Variants in ERVV-1 observed in about 807,000 individuals in gnomAD.
ERVV-1 encodes the protein endogenous retrovirus group V member 1, envelope.
For missense variants in ERVV-1, 150 were observed against 456.5 expected (o/e 0.33, Z 6.12); for synonymous variants, 59 against 170.2 (o/e 0.35, Z 5.09).
chr19:53,015,550 A>C lies in ERVV-1; in HGVS notation c.*26A>C. 2 of 618,944 alleles carry C rather than the reference A, an allele frequency of 3.2e-6. No homozygotes were observed. The highest frequency in any genetic ancestry group is 2.8e-5 in the Admixed American group (1 of 35,732). The allele number at this position is 618,944 out of a possible 1,614,324, so 38.3% of individuals were successfully genotyped here. On this transcript the variant is annotated 3_prime_UTR_variant, in exon 1 of 1. Coordinates refer to ENST00000602168, the MANE Select transcript of ERVV-1 (RefSeq NM_152473.3). ...TTCACTAATTAAATATGTCTCTTCC[A>C]GGATATGGCAATTTCACACAGAGCC...
In ERVV-1 at chr19:53,015,846, A is replaced by G. The variant is rs980543399; in HGVS notation, c.*322A>G. 1 of 236,942 alleles carries G rather than the reference A, an allele frequency of 4.2e-6. No homozygotes were observed. The highest frequency in any genetic ancestry group is 7.9e-6 in the Non-Finnish European group (1 of 126,482). The allele number at this position is 236,942 out of a possible 1,614,324, so 14.7% of individuals were successfully genotyped here. A position where few individuals can be genotyped will look rare whatever the true frequency, so the allele number is the denominator to read the frequency against. On this transcript the variant is annotated 3_prime_UTR_variant, in exon 1 of 1. Coordinates refer to ENST00000602168, the MANE Select transcript of ERVV-1 (RefSeq NM_152473.3). ...TGTTAGGGTAGGCAGGTAGCCAGAC[A>G]AGAGCAGGCAAGGAAGCCCCTGGGA...
Position 53,014,175 on chromosome 19 carries a change from G to T in ERVV-1, c.85G>T (p.Val29Phe), listed in dbSNP as rs1203090203. The T allele has an allele frequency of 6.8e-7, 1 of 1,474,190 alleles. No homozygotes were observed. The highest frequency in any genetic ancestry group is 1.5e-5 in the African/African-American group (1 of 68,444). 91.3% of individuals were successfully genotyped at this position (1,474,190 alleles called of 1,614,324 possible). The change falls in exon 1 of 1, where the codon GTC (valine) becomes TTC (phenylalanine). Residue 29 changes from valine to phenylalanine, a missense_variant. Physicochemically the swap from Val to Phe is conservative, Grantham distance 50 (BLOSUM62 -1). Transcript: ENST00000602168. Reference protein sequence around the residue: ...SQAQWNENSLVSFSKIIASGN... With the variant: ...SQAQWNENSLFSFSKIIASGN... ...GGCACAGTGGAATGAAAATTCCCTTGTCAGTTTTTCCAAAATAATTGCTTC... is the reference window on the plus strand; with the variant it reads ...GGCACAGTGGAATGAAAATTCCCTTTTCAGTTTTTCCAAAATAATTGCTTC...
At position 53,015,895 on chromosome 19, in the gene ERVV-1, C is replaced by T. The variant is rs1262448078; in HGVS notation, c.*371C>T. ...GAAAGGAATCTTTAGAAATGCAGCC[C>T]GCTGATGGCCTCCTTGGAAACGCTG... On this transcript the variant is annotated 3_prime_UTR_variant, in exon 1 of 1. Coordinates refer to ENST00000602168, the MANE Select transcript of ERVV-1 (RefSeq NM_152473.3). 1.6e-5 allele frequency: 3 copies of T among 186,724 alleles called. No individual in the cohort carries two copies. Among genetic ancestry groups the T allele is most frequent in the Non-Finnish European group, 3.2e-5 (3 of 92,968 alleles). 11.6% of individuals were successfully genotyped at this position (186,724 alleles called of 1,614,324 possible).
At position 53,014,954 on chromosome 19, in the gene ERVV-1, T is replaced by G. The variant is rs1198068504; in HGVS notation, c.864T>G (p.Asn288Lys). Reference sequence around the variant, plus strand: ...TGGCAAACCTCTACACTTGCATTAATAACATCCAACATACGGGAGAATGTG... The same window carrying G: ...TGGCAAACCTCTACACTTGCATTAAGAACATCCAACATACGGGAGAATGTG... ...PPVANLYTCI[N>K]NIQHTGECAV... Residue 288 changes from asparagine (N) to lysine (K), a missense_variant, in exon 1 of 1, where the codon AAT becomes AAG. Coordinates refer to ENST00000602168, the MANE Select transcript of ERVV-1 (RefSeq NM_152473.3). 5 of 1,535,824 alleles carry G rather than the reference T, an allele frequency of 3.3e-6. No homozygotes were observed. The East Asian group carries it at 1.2e-4, about 38-fold the overall frequency.
At position 53,014,155 on chromosome 19, in the gene ERVV-1, A is replaced by G; in HGVS notation, c.65A>G (p.Gln22Arg). The G allele has an allele frequency of 1.3e-6, 2 of 1,490,288 alleles. No individual in the cohort carries two copies. Among genetic ancestry groups the G allele is most frequent in the Admixed American group, 2.0e-5 (1 of 49,850 alleles). 92.3% of individuals were successfully genotyped at this position (1,490,288 alleles called of 1,614,324 possible). A position where few individuals can be genotyped will look rare whatever the true frequency, so the allele number is the denominator to read the frequency against. Residue 22 changes from glutamine to arginine, a missense_variant, in exon 1 of 1, where the codon CAG becomes CGG. Physicochemically the swap from Gln to Arg is conservative, Grantham distance 43. Transcript: ENST00000602168. Reference protein sequence around the residue: ...LLPMPLLSQAQWNENSLVSFS... With the variant: ...LLPMPLLSQARWNENSLVSFS... ...CCCATGCCCCTACTCTCACAGGCAC[A>G]GTGGAATGAAAATTCCCTTGTCAGT... is the stretch of plus-strand genomic sequence containing the variant.
Sources: allele counts gnomAD v4.1 joint callset, GRCh38; gene constraint gnomAD v4.1.1; transcripts MANE v1.5; gene names NCBI Gene and HGNC (gene_info 2026-07-23, HGNC 2026-07-21).